The following CADM2 variants were observed in gnomAD, a reference collection of about 807,000 sequenced individuals.
CADM2 encodes immunoglobulin superfamily member 4D.
In CADM2, 12 loss-of-function variants were observed where a neutral mutation model predicts 49.8. The ratio of observed to expected loss-of-function variants is 0.24; its 90% CI spans 0.15 to 0.39. The LOEUF is 0.39. Ranked by LOEUF, CADM2 falls within the 10% of genes least tolerant of loss-of-function variation. The pLI is 1.00. For missense variants in CADM2, 378 were observed against 492.3 expected, an observed-to-expected ratio of 0.77 and a Z score of 2.20; for synonymous variants, 214 against 175.4, an observed-to-expected ratio of 1.22 and a Z score of -1.74.
At chr3:85,877,136 G>A (rs771855783) in intron 3 of CADM2, among the ~76,000 whole-genome samples, 1 of 152,038 alleles carries the variant, frequency 6.6e-6, no homozygotes, top group African/African-American at 2.4e-5. Context: ...GTGGGTAGCA[G>A]GCAACTAATG....
At chr3:85,460,690 C>T (rs2038204690) in intron 1 of CADM2, among the ~76,000 whole-genome samples, 1 of 151,504 alleles carries the variant, frequency 6.6e-6, no homozygotes, top group Non-Finnish European at 1.5e-5. Flanking sequence ...ATCTTAACTA[C>T]TATGTTTGGA....
intron 1 of CADM2, among the ~76,000 whole-genome samples, chr3:85,016,682 A>G (rs1368784237): frequency 2.6e-5 from 4 of 152,082 alleles, no homozygotes; most frequent in Admixed American, 6.6e-5. Flanking sequence ...AATCCCAGCT[A>G]CTTGGGACGC....
At chr3:85,403,188 A>G (rs2035202495) in intron 1 of CADM2, among the ~76,000 whole-genome samples, 1 of 152,146 alleles carries the variant, frequency 6.6e-6, no homozygotes. Flanking sequence ...GAATTTAACT[A>G]TCCCTCTCAT....
intron 1 of CADM2, among the ~76,000 whole-genome samples, chr3:85,595,795 TA>T (rs1456505305): frequency 6.6e-6 from 1 of 152,064 alleles, no homozygotes; most frequent in Non-Finnish European, 1.5e-5. Flanking sequence ...ATAAAAACAT[TA>T]AACAAGTGTA....
intron 1 of CADM2, among the ~76,000 whole-genome samples, chr3:85,138,302 G>T (rs1444528113): frequency 6.6e-6 from 1 of 152,124 alleles, no homozygotes; most frequent in South Asian, 2.1e-4. Flanking sequence ...GAATGGGAAA[G>T]GTGCTGCCAT....
At chr3:85,022,693 C>T (rs997646147) in intron 1 of CADM2, among the ~76,000 whole-genome samples, 2 of 152,086 alleles carry the variant, frequency 1.3e-5, no homozygotes, top group African/African-American at 2.4e-5. Context: ...TTTTCCCTCC[C>T]TGCTCTTTGA....
At chr3:85,784,926 T>C (rs2070889269) in intron 2 of CADM2, among the ~76,000 whole-genome samples, 2 of 152,184 alleles carry the variant, frequency 1.3e-5, no homozygotes. Context: ...GTTTTTCTTC[T>C]ACAGGAGACT....
intron 8 of CADM2, among the ~76,000 whole-genome samples, chr3:85,972,439 T>A (rs1726271087): frequency 6.6e-6 from 1 of 151,682 alleles, no homozygotes; most frequent in Non-Finnish European, 1.5e-5. Context: ...TTCTTTATCA[T>A]CCTGGGACCA....
chr3:85,167,059 A>AT (rs1396041645), intron 1 of CADM2, among the ~76,000 whole-genome samples: 4 of 152,018 alleles, frequency 2.6e-5, no homozygotes, highest in Admixed American at 6.6e-5. Flanking sequence ...GATAAAAAAT[A>AT]TTTTTTTTCC....
chr3:85,260,506 G>T (rs935411173), intron 1 of CADM2, among the ~76,000 whole-genome samples: 25 of 152,064 alleles, frequency 1.6e-4, no homozygotes, highest in African/African-American at 6.0e-4. Context: ...GGCTTTATTT[G>T]AATTTGTAAG....
At chr3:85,291,088 C>T (rs1417610419) in intron 1 of CADM2, among the ~76,000 whole-genome samples, 3 of 151,994 alleles carry the variant, frequency 2.0e-5, no homozygotes, top group Non-Finnish European at 4.4e-5. Context: ...CAGAGAAGTG[C>T]TTAAAGGAGC....
intron 1 of CADM2, among the ~76,000 whole-genome samples, chr3:85,488,402 C>T (rs962126021): frequency 6.6e-6 from 1 of 152,154 alleles, no homozygotes; most frequent in Admixed American, 6.5e-5. Context: ...ATCCACTAAA[C>T]ATGGTAGCCG....
intron 1 of CADM2, among the ~76,000 whole-genome samples, chr3:85,094,833 C>T (rs1169418241): frequency 2.6e-5 from 4 of 151,850 alleles, no homozygotes; most frequent in Non-Finnish European, 5.9e-5. Flanking sequence ...TTATCAAATG[C>T]ACTATCCAGA....
chr3:85,930,509 T>C (rs1228724839), intron 6 of CADM2, among the ~76,000 whole-genome samples: 1 of 152,162 alleles, frequency 6.6e-6, no homozygotes. Context: ...CTATTGACTA[T>C]AGTCACTTCC....
At chr3:86,011,244 C>T (rs1236239795) in intron 8 of CADM2, among the ~76,000 whole-genome samples, 1 of 152,026 alleles carries the variant, frequency 6.6e-6, no homozygotes, top group African/African-American at 2.4e-5. Context: ...AAATGAAATA[C>T]TAGCAAATAA....
intron 8 of CADM2, among the ~76,000 whole-genome samples, chr3:85,971,865 C>A (rs1031832873): frequency 6.6e-6 from 1 of 151,610 alleles, no homozygotes; most frequent in African/African-American, 2.4e-5. Context: ...CTGACAGTTA[C>A]CGCCTACAGT....
intron 1 of CADM2, among the ~76,000 whole-genome samples, chr3:85,082,758 C>A (rs887485631): frequency 6.6e-6 from 1 of 152,046 alleles, no homozygotes; most frequent in Non-Finnish European, 1.5e-5. Flanking sequence ...GAGGAGCCAT[C>A]ATATTACAAG....
At chr3:85,132,767 G>C (rs867331555) in intron 1 of CADM2, among the ~76,000 whole-genome samples, 70 of 152,212 alleles carry the variant, frequency 4.6e-4, no homozygotes, top group Middle Eastern at 3.4e-3. Context: ...CCATACGTAA[G>C]AGGAAACTAA....
chr3:85,294,746 G>C (rs1197916872), intron 1 of CADM2, among the ~76,000 whole-genome samples: 1 of 151,822 alleles, frequency 6.6e-6, no homozygotes, highest in Non-Finnish European at 1.5e-5. Context: ...TATGTAGAAA[G>C]CTGAAACTGG....
Sources: gnomAD v4.1 joint callset for allele counts (sites outside exome capture counted in the v4.1 genomes callset) on GRCh38, gnomAD v4.1.1 for gene constraint, MANE v1.5 for transcripts, NCBI Gene and HGNC (gene_info 2026-07-23, HGNC 2026-07-21) for gene names.